Variants in SGCZ observed in about 807,000 individuals in gnomAD.
The protein encoded by SGCZ is sarcoglycan zeta.
A neutral mutation model predicts 41.3 loss-of-function variants in SGCZ; 40 were observed. The ratio of observed to expected loss-of-function variants is 0.97; its 90% CI spans 0.75 to 1.26. The LOEUF is 1.26. SGCZ is among the 50% of genes most tolerant of loss of function. The pLI, the probability that SGCZ is intolerant of heterozygous loss-of-function variation, is 0.00. For missense variants in SGCZ, 552 were observed against 369.8 expected, an observed-to-expected ratio of 1.49 and a Z score of -4.04; for synonymous variants, 206 against 137.5, an observed-to-expected ratio of 1.50 and a Z score of -3.49.
intron 1 of SGCZ, among the ~76,000 whole-genome samples, chr8:14,673,464 C>T (rs950353848): frequency 6.6e-6 from 1 of 151,988 alleles, no homozygotes; most frequent in Admixed American, 6.6e-5. Context: ...CTCTCTCTCT[C>T]ACTCTCTCTC....
chr8:15,179,917 T>C (rs1206928955), intron 1 of SGCZ, among the ~76,000 whole-genome samples: 1 of 152,192 alleles, frequency 6.6e-6, no homozygotes, highest in Non-Finnish European at 1.5e-5. Flanking sequence ...AACTACTTTG[T>C]GTAGGATTAT....
chr8:15,004,823 A>G (rs1802543985), intron 1 of SGCZ, among the ~76,000 whole-genome samples: 1 of 152,172 alleles, frequency 6.6e-6, no homozygotes, highest in African/African-American at 2.4e-5. Flanking sequence ...CTGACTCAAC[A>G]CTAGGTGACA....
chr8:14,282,847 C>CTTTTTT (rs1168778028), intron 3 of SGCZ, among the ~76,000 whole-genome samples: 12,704 of 89,630 alleles, frequency 0.14, 2,410 homozygotes, highest in East Asian at 0.2. Flanking sequence ...CTTTCAAATA[C>CTTTTTT]TTTTTTTTTT....
intron 1 of SGCZ, among the ~76,000 whole-genome samples, chr8:14,683,181 C>T (rs1341146681): frequency 6.6e-6 from 1 of 151,902 alleles, no homozygotes; most frequent in Non-Finnish European, 1.5e-5. Flanking sequence ...GTAAAATATG[C>T]CTAAATACTA....
intron 3 of SGCZ, among the ~76,000 whole-genome samples, chr8:14,315,941 G>C (rs1022272075): frequency 4.0e-5 from 6 of 151,728 alleles, no homozygotes; most frequent in African/African-American, 1.5e-4. Context: ...TAAATGATAT[G>C]TCTATGTAAA....
At chr8:14,532,371 G>C (rs777643221) in intron 2 of SGCZ, among the ~76,000 whole-genome samples, 1 of 152,090 alleles carries the variant, frequency 6.6e-6, no homozygotes, top group Non-Finnish European at 1.5e-5. Context: ...CAGGTAGAAA[G>C]TGGATAATGG....
chr8:14,508,963 A>G (rs1036539593), intron 2 of SGCZ, among the ~76,000 whole-genome samples: 2 of 152,142 alleles, frequency 1.3e-5, no homozygotes, highest in African/African-American at 2.4e-5. Context: ...GTACTTATTG[A>G]TTTACTGGAA....
At chr8:14,584,692 A>G (rs1193308067) in intron 1 of SGCZ, among the ~76,000 whole-genome samples, 1 of 152,124 alleles carries the variant, frequency 6.6e-6, no homozygotes, top group Non-Finnish European at 1.5e-5. Flanking sequence ...CATAGTATCT[A>G]GAGTAGTACC....
intron 2 of SGCZ, among the ~76,000 whole-genome samples, chr8:14,372,023 A>G (rs996937748): frequency 1.3e-5 from 2 of 152,132 alleles, no homozygotes. Flanking sequence ...ATGAAGATTC[A>G]AAGAAGATAT....
chr8:14,390,968 A>C (rs922923910), intron 2 of SGCZ, among the ~76,000 whole-genome samples: 3 of 152,090 alleles, frequency 2.0e-5, no homozygotes, highest in African/African-American at 4.8e-5. Flanking sequence ...GGTTGGGGGG[A>C]TATCCAATGA....
At chr8:14,839,252 A>G (rs1802814936) in intron 1 of SGCZ, among the ~76,000 whole-genome samples, 1 of 152,082 alleles carries the variant, frequency 6.6e-6, no homozygotes, top group Admixed American at 6.6e-5. Context: ...AAAGAGAGAG[A>G]AAAAAATATG....
At chr8:15,033,001 A>G (rs1803736907) in intron 1 of SGCZ, among the ~76,000 whole-genome samples, 1 of 151,934 alleles carries the variant, frequency 6.6e-6, no homozygotes. Context: ...CCCTACTCCA[A>G]GGCAACAGGC....
At chr8:14,630,617 C>A (rs1347167452) in intron 1 of SGCZ, among the ~76,000 whole-genome samples, 1 of 151,964 alleles carries the variant, frequency 6.6e-6, no homozygotes, top group Admixed American at 6.6e-5. Flanking sequence ...GACTTGGAAC[C>A]AACCCAAATG....
At chr8:14,956,013 T>C (rs1800780351) in intron 1 of SGCZ, among the ~76,000 whole-genome samples, 1 of 151,342 alleles carries the variant, frequency 6.6e-6, no homozygotes, top group Non-Finnish European at 1.5e-5. Context: ...TTTTTAGTGC[T>C]TAATGTAGGT....
At chr8:14,819,715 C>A (rs185872988) in intron 1 of SGCZ, among the ~76,000 whole-genome samples, 1 of 151,938 alleles carries the variant, frequency 6.6e-6, no homozygotes, top group African/African-American at 2.4e-5. Context: ...ATTAGAGCAA[C>A]AAAAATATTC....
At chr8:14,197,264 G>A (rs888573387) in intron 4 of SGCZ, among the ~76,000 whole-genome samples, 2 of 151,946 alleles carry the variant, frequency 1.3e-5, no homozygotes, top group Non-Finnish European at 2.9e-5. Flanking sequence ...CCTGAATATA[G>A]AAATGAAGGG....
chr8:14,537,560 C>CTT (rs34868470), intron 2 of SGCZ, among the ~76,000 whole-genome samples: 169 of 150,324 alleles, frequency 1.1e-3, no homozygotes, highest in African/African-American at 2.8e-3. Context: ...TCTTTCTTTT[C>CTT]TTTTTTTTTC....
chr8:14,130,766 A>G (rs895589148), intron 5 of SGCZ, among the ~76,000 whole-genome samples: 12 of 152,228 alleles, frequency 7.9e-5, no homozygotes, highest in African/African-American at 2.7e-4. Context: ...AGCTGTGCCA[A>G]TAGAAAAAGG....
At chr8:14,597,475 T>C (rs925007768) in intron 1 of SGCZ, among the ~76,000 whole-genome samples, 8 of 152,164 alleles carry the variant, frequency 5.3e-5, no homozygotes, top group Non-Finnish European at 8.8e-5. Flanking sequence ...CTTTTTTTGT[T>C]TGTTTGTTTT....
Sources: gnomAD v4.1 joint callset for allele counts (sites outside exome capture counted in the v4.1 genomes callset) on GRCh38, gnomAD v4.1.1 for gene constraint, MANE v1.5 for transcripts, NCBI Gene and HGNC (gene_info 2026-07-23, HGNC 2026-07-21) for gene names.